Variants in KIAA1217 observed in about 807,000 individuals in gnomAD.
KIAA1217 encodes sickle tail protein homolog.
KIAA1217 carries 88 observed loss-of-function variants against 163.9 expected under a neutral mutation model. The observed-to-expected ratio is 0.54, with a 90% confidence interval of 0.45 to 0.64. KIAA1217 has a LOEUF of 0.64. Among genes scored for constraint, KIAA1217 ranks in the 30% least tolerant of loss-of-function variants. The probability of loss-of-function intolerance (pLI) is 0.00; values close to 1 mark genes in which losing one functional copy is unlikely to be tolerated. For synonymous variants in KIAA1217, 903 were observed against 923.1 expected, an observed-to-expected ratio of 0.98 and a Z score of 0.39; for missense variants, 2,372 against 2,475.0, an observed-to-expected ratio of 0.96 and a Z score of 0.88.
At position 24,360,040 on chromosome 10, in the gene KIAA1217, C is replaced by CATTTTTTTTTTTTTTTTTTTTTTTTTTT. The variant is rs55881849; in HGVS notation, c.355-20829_355-20828insATTTTTTTTTTTTTTTTTTTTTTTTTTT. ...ACTGTGTATCTTTAGGATATAATTA[C>CATTTTTTTTTTTTTTTTTTTTTTTTTTT]TTTTTTTTTTTTTTTTTTTTTTTTG... On this transcript the variant is annotated intron_variant, in intron 2 of 20. Transcript: ENST00000376454. 4.2e-5 allele frequency among the ~76,000 whole-genome samples: 4 copies of CATTTTTTTTTTTTTTTTTTTTTTTTTTT among 94,282 alleles called. 1 individual carries two copies. Among genetic ancestry groups the CATTTTTTTTTTTTTTTTTTTTTTTTTTT allele is most frequent in the Non-Finnish European group, 3.8e-5 (2 of 52,272 alleles). The allele number at this position is 94,282 out of a possible 152,430, so 61.9% of individuals were successfully genotyped here. A position where few individuals can be genotyped will look rare whatever the true frequency, so the allele number is the denominator to read the frequency against.
At chr10:24,162,979 A>G (rs2065186503) in intron 2 of KIAA1217, among the ~76,000 whole-genome samples, 1 of 152,216 alleles carries the variant, frequency 6.6e-6, no homozygotes, top group African/African-American at 2.4e-5. Flanking sequence ...TGGCAGCCAC[A>G]GTCTTTTACA....
chr10:23,918,931 G>A (rs560550752), intron 1 of KIAA1217, among the ~76,000 whole-genome samples: 2 of 152,160 alleles, frequency 1.3e-5, no homozygotes, highest in East Asian at 3.9e-4. Flanking sequence ...CCCCATACAA[G>A]GCTTAAACAA....
chr10:24,302,673 A>G lies in KIAA1217; in HGVS notation c.355-78196A>G, dbSNP rs138554210. 7.1e-4 allele frequency among the ~76,000 whole-genome samples: 108 copies of G among 152,292 alleles called. 1 individual carries two copies. Among genetic ancestry groups the G allele is most frequent in the African/African-American group, 2.4e-3 (101 of 41,554 alleles). ...GACAAACCAATAGATGGCATGCAGT[A>G]TAAGTGCTATGAAAAAAAAATAAGA... On this transcript the variant is annotated intron_variant, in intron 2 of 20. Coordinates refer to ENST00000376454, the MANE Select transcript of KIAA1217 (RefSeq NM_019590.5).
chr10:24,319,737 T>C (rs910587433), intron 2 of KIAA1217, among the ~76,000 whole-genome samples: 3 of 152,228 alleles, frequency 2.0e-5, no homozygotes, highest in Non-Finnish European at 4.4e-5. Context: ...CCCCAACAAC[T>C]GGCCCTTGAA....
intron 2 of KIAA1217, among the ~76,000 whole-genome samples, chr10:24,197,018 T>C (rs1010188131): frequency 3.3e-5 from 5 of 152,158 alleles, no homozygotes; most frequent in Non-Finnish European, 7.4e-5. Flanking sequence ...TTCACATCCT[T>C]CACTACGATA....
chr10:24,442,911 ATT>A (rs72335041), intron 5 of KIAA1217, among the ~76,000 whole-genome samples: 28 of 136,526 alleles, frequency 2.1e-4, no homozygotes, highest in Non-Finnish European at 2.5e-4. Flanking sequence ...CTTTTGTGGG[ATT>A]TTTTTTTTTT....
intron 1 of KIAA1217, among the ~76,000 whole-genome samples, chr10:23,899,384 T>C (rs1442570858): frequency 6.6e-6 from 1 of 152,118 alleles, no homozygotes; most frequent in Non-Finnish European, 1.5e-5. Context: ...AGTATCTCAT[T>C]GTGGTTTTAA....
chr10:24,417,780 G>T (rs1296049074), intron 3 of KIAA1217, among the ~76,000 whole-genome samples: 1 of 151,848 alleles, frequency 6.6e-6, no homozygotes, highest in Non-Finnish European at 1.5e-5. Context: ...AAAAATTAGG[G>T]TGTCCGTCCT....
rs149054695 is a variant in KIAA1217, at chr10:24,465,874, G to A, written c.847-7354G>A. ...GTTTAGGGTGGGGCAGAAGGGCTCT[G>A]GTTTCCTTTCCAGAATCCCCTCTGC... On this transcript the variant is annotated intron_variant, in intron 5 of 20. Transcript: ENST00000376454. 3.9e-4 allele frequency among the ~76,000 whole-genome samples: 59 copies of A among 152,216 alleles called. No individual in the cohort carries two copies. The East Asian group carries it at 0.011, about 29-fold the overall frequency.
intron 1 of KIAA1217, among the ~76,000 whole-genome samples, chr10:23,818,217 C>T (rs1177136215): frequency 1.4e-5 from 2 of 140,582 alleles, no homozygotes; most frequent in African/African-American, 5.2e-5. Flanking sequence ...TTTTTTGCAT[C>T]TATAGGCAAA....
chr10:24,093,617 T>C (rs1262120018), intron 2 of KIAA1217, among the ~76,000 whole-genome samples: 1 of 148,162 alleles, frequency 6.7e-6, no homozygotes, highest in African/African-American at 2.6e-5. Flanking sequence ...AACTAAGAAT[T>C]TTTTTTTTTT....
At chr10:24,425,822 G>A (rs1382976255) in intron 3 of KIAA1217, among the ~76,000 whole-genome samples, 3 of 152,174 alleles carry the variant, frequency 2.0e-5, no homozygotes, top group Non-Finnish European at 4.4e-5. Context: ...CAGAGAAATG[G>A]TATCAACTTA....
At chr10:24,232,278 A>C (rs2071518799) in intron 2 of KIAA1217, among the ~76,000 whole-genome samples, 1 of 152,182 alleles carries the variant, frequency 6.6e-6, no homozygotes, top group Non-Finnish European at 1.5e-5. Flanking sequence ...ATGCAGAAAA[A>C]CAGCAAAGGA....
intron 2 of KIAA1217, among the ~76,000 whole-genome samples, chr10:24,013,111 A>G (rs1476893947): frequency 2.6e-5 from 4 of 151,926 alleles, no homozygotes; most frequent in Non-Finnish European, 5.9e-5. Context: ...TTGGTGCCAT[A>G]TTTTTTTGCA....
chr10:24,435,090 A>G (rs955404515), intron 4 of KIAA1217, among the ~76,000 whole-genome samples: 1 of 152,226 alleles, frequency 6.6e-6, no homozygotes, highest in Non-Finnish European at 1.5e-5. Context: ...TGCATAATAA[A>G]TGTAAACTGA....
intron 17 of KIAA1217, among the ~76,000 whole-genome samples, chr10:24,537,507 G>A (rs1311119259): frequency 1.3e-5 from 2 of 151,776 alleles, no homozygotes; most frequent in Non-Finnish European, 2.9e-5. Flanking sequence ...AACCCAGGAG[G>A]TGGAGGTTGC....
At chr10:23,732,976 A>G (rs1466839057) in intron 1 of KIAA1217, among the ~76,000 whole-genome samples, 1 of 151,926 alleles carries the variant, frequency 6.6e-6, no homozygotes, top group African/African-American at 2.4e-5. Context: ...TTAAACATTT[A>G]TATCACTTCT....
chr10:24,125,322 C>CTG (rs58143239), intron 2 of KIAA1217, among the ~76,000 whole-genome samples: 16,816 of 143,588 alleles, frequency 0.12, 981 homozygotes, highest in African/African-American at 0.16. Flanking sequence ...ATCCTATGCT[C>CTG]TGTGTGTGTG....
chr10:23,843,058 C>G (rs1472172195), intron 1 of KIAA1217, among the ~76,000 whole-genome samples: 1 of 152,086 alleles, frequency 6.6e-6, no homozygotes, highest in African/African-American at 2.4e-5. Flanking sequence ...TAGGGTTAGT[C>G]GTGAAGTGGA....
Sources: allele counts gnomAD v4.1 joint callset (sites outside exome capture counted in the v4.1 genomes callset), GRCh38; gene constraint gnomAD v4.1.1; transcripts MANE v1.5; gene names NCBI Gene and HGNC (gene_info 2026-07-23, HGNC 2026-07-21).